FMN2: variants seen among roughly 807,000 people sequenced by gnomAD.
FMN2 encodes the protein formin-2.
FMN2 carries 51 observed loss-of-function variants against 142.3 expected under a neutral mutation model. The ratio of observed to expected loss-of-function variants is 0.36; its 90% CI spans 0.29 to 0.45. The LOEUF (loss-of-function observed/expected upper bound fraction) is 0.45, where lower values mean the gene tolerates loss of function less well. Among genes scored for constraint, FMN2 ranks in the 20% least tolerant of loss-of-function variants. FMN2 has a pLI of 1.00. For missense variants in FMN2, 1,936 were observed against 2,122.8 expected (o/e 0.91, Z 1.73); for synonymous variants, 882 against 869.8 (o/e 1.01, Z -0.25).
At chr1:240,320,666 T>TGG (rs1670941659) in intron 8 of FMN2, among the ~76,000 whole-genome samples, 1 of 152,138 alleles carries the variant, frequency 6.6e-6, no homozygotes, top group African/African-American at 2.4e-5. Flanking sequence ...TGCTTAAGTA[T>TGG]GGGGGTGGGT....
intron 1 of FMN2, among the ~76,000 whole-genome samples, chr1:240,117,743 T>C (rs1662077616): frequency 6.6e-6 from 1 of 152,174 alleles, no homozygotes; most frequent in Non-Finnish European, 1.5e-5. Flanking sequence ...GATTCATTGA[T>C]GATCGAAAAA....
chr1:240,131,159 A>G (rs2226104), intron 2 of FMN2, among the ~76,000 whole-genome samples: 37,746 of 152,078 alleles, frequency 0.25, 5,681 homozygotes, highest in Non-Finnish European at 0.34. Context: ...AGGAATAAAT[A>G]TAGTAGTTTC....
chr1:240,379,002 T>G (rs1673140274), intron 14 of FMN2, among the ~76,000 whole-genome samples: 1 of 152,250 alleles, frequency 6.6e-6, no homozygotes, highest in Non-Finnish European at 1.5e-5. Context: ...CTAGTAATTT[T>G]CTTATTAAGT....
At chr1:240,270,477 G>A (rs778552146) in intron 7 of FMN2, among the ~76,000 whole-genome samples, 12 of 151,936 alleles carry the variant, frequency 7.9e-5, no homozygotes, top group East Asian at 5.8e-4. Context: ...ATCACACCTC[G>A]GATAAACCTC....
At chr1:240,346,063 G>T (rs1211994347) in intron 13 of FMN2, among the ~76,000 whole-genome samples, 1 of 152,080 alleles carries the variant, frequency 6.6e-6, no homozygotes, top group Non-Finnish European at 1.5e-5. Context: ...GGAAAAGCAA[G>T]TTGTAGGAAA....
intron 13 of FMN2, among the ~76,000 whole-genome samples, chr1:240,342,649 A>C (rs140860378): frequency 6.6e-6 from 1 of 152,310 alleles, no homozygotes; most frequent in African/African-American, 2.4e-5. Context: ...AAAACTGATG[A>C]ATTTTATGGG....
At chr1:240,457,324 G>A (rs1329372628) in intron 16 of FMN2, among the ~76,000 whole-genome samples, 2 of 152,050 alleles carry the variant, frequency 1.3e-5, no homozygotes, top group African/African-American at 4.8e-5. Flanking sequence ...CTCTCTAATC[G>A]TTCCCCGTAC....
intron 14 of FMN2, among the ~76,000 whole-genome samples, chr1:240,369,330 A>G (rs1672787177): frequency 6.6e-6 from 1 of 152,180 alleles, no homozygotes; most frequent in African/African-American, 2.4e-5. Context: ...TTTAATGCTA[A>G]TCTTACCATT....
At chr1:240,125,071 A>G (rs1662444649) in intron 2 of FMN2, among the ~76,000 whole-genome samples, 1 of 152,244 alleles carries the variant, frequency 6.6e-6, no homozygotes, top group African/African-American at 2.4e-5. Flanking sequence ...TGAGCTTTAA[A>G]GACAATGACA....
intron 6 of FMN2, among the ~76,000 whole-genome samples, chr1:240,228,792 C>CT (rs143152794): frequency 0.34 from 51,156 of 151,658 alleles, 9,170 homozygotes; most frequent in Non-Finnish European, 0.39. Context: ...TTAAGATAAA[C>CT]TTTTTTTTCC....
intron 15 of FMN2, among the ~76,000 whole-genome samples, chr1:240,413,148 A>AAAAAAAAAAAC: frequency 6.7e-6 from 1 of 148,404 alleles, no homozygotes; most frequent in Non-Finnish European, 1.5e-5. Context: ...AAAAAAAAAA[A>AAAAAAAAAAAC]AGCAGCAAAT....
At chr1:240,324,117 G>C (rs1671069880) in intron 8 of FMN2, among the ~76,000 whole-genome samples, 1 of 152,058 alleles carries the variant, frequency 6.6e-6, no homozygotes, top group Non-Finnish European at 1.5e-5. Context: ...GTGAGTTGTG[G>C]TCCGCGAGTG....
intron 14 of FMN2, among the ~76,000 whole-genome samples, chr1:240,388,409 C>T (rs889254182): frequency 6.6e-6 from 1 of 152,030 alleles, no homozygotes; most frequent in Non-Finnish European, 1.5e-5. Context: ...GACTAAAGCT[C>T]ATGTTCTAGC....
intron 6 of FMN2, among the ~76,000 whole-genome samples, chr1:240,252,952 A>ATTTTTTTTTTTTTT (rs1572118578): frequency 3.0e-5 from 1 of 33,882 alleles, no homozygotes; most frequent in Non-Finnish European, 5.0e-5. Context: ...AGTCTTGTTC[A>ATTTTTTTTTTTTTT]CTTTTTTTTT....
intron 7 of FMN2, among the ~76,000 whole-genome samples, chr1:240,276,417 C>T (rs4659953): frequency 0.42 from 63,917 of 151,830 alleles, 13,856 homozygotes; most frequent in East Asian, 0.64. Flanking sequence ...GTGTGAGGGA[C>T]AATATAATTT....
intron 4 of FMN2, among the ~76,000 whole-genome samples, chr1:240,196,447 T>C: frequency 6.6e-6 from 1 of 152,194 alleles, no homozygotes; most frequent in Admixed American, 6.5e-5. Flanking sequence ...TCTCAGGCCC[T>C]ACCCAGACCT....
At chr1:240,302,977 A>G (rs1322145741) in intron 8 of FMN2, among the ~76,000 whole-genome samples, 4 of 152,042 alleles carry the variant, frequency 2.6e-5, no homozygotes, top group African/African-American at 9.7e-5. Flanking sequence ...CCATTATACA[A>G]TAATATAGAA....
intron 14 of FMN2, among the ~76,000 whole-genome samples, chr1:240,367,767 C>CAAAAAA (rs60368715): frequency 3.7e-5 from 2 of 54,040 alleles, no homozygotes; most frequent in Middle Eastern, 9.4e-3. Flanking sequence ...GACTCAGTCT[C>CAAAAAA]AAAAAAAAAA....
chr1:240,167,122 AAAC>A (rs894962370), intron 2 of FMN2, among the ~76,000 whole-genome samples: 4 of 152,170 alleles, frequency 2.6e-5, no homozygotes, highest in African/African-American at 9.7e-5. Context: ...ACTCCATCTC[AAAC>A]AACAACAATA....
Sources: gnomAD v4.1 joint callset for allele counts (sites outside exome capture counted in the v4.1 genomes callset) on GRCh38, gnomAD v4.1.1 for gene constraint, MANE v1.5 for transcripts, NCBI Gene and HGNC (gene_info 2026-07-23, HGNC 2026-07-21) for gene names.